RAB11FIP4: variants seen among roughly 807,000 people sequenced by gnomAD.
RAB11FIP4 encodes RAB11 family interacting protein 4.
A neutral mutation model predicts 74.3 loss-of-function variants in RAB11FIP4; 23 were observed. The ratio of observed to expected loss-of-function variants is 0.31; its 90% CI spans 0.22 to 0.44. The LOEUF is 0.44. RAB11FIP4 is among the 20% of genes least tolerant of loss of function. The pLI, the probability that RAB11FIP4 is intolerant of heterozygous loss-of-function variation, is 1.00. For missense variants in RAB11FIP4, 630 were observed against 863.9 expected, an observed-to-expected ratio of 0.73 and a Z score of 3.39; for synonymous variants, 360 against 359.9, an observed-to-expected ratio of 1.00 and a Z score of 0.00.
intron 1 of RAB11FIP4, among the ~76,000 whole-genome samples, chr17:31,396,203 G>T (rs373509137): frequency 9.5e-6 from 1 of 105,818 alleles, no homozygotes; most frequent in South Asian, 3.4e-4. Flanking sequence ...AAAAAGAAAA[G>T]AAAAGAAAAG....
intron 3 of RAB11FIP4, among the ~76,000 whole-genome samples, chr17:31,493,345 G>A (rs2072048677): frequency 6.6e-6 from 1 of 152,154 alleles, no homozygotes; most frequent in African/African-American, 2.4e-5. Flanking sequence ...AAACAGAACT[G>A]GAGTGTGGGA....
chr17:31,413,649 C>T (rs1244541742), intron 1 of RAB11FIP4, among the ~76,000 whole-genome samples: 1 of 152,102 alleles, frequency 6.6e-6, no homozygotes. Context: ...GTTCTTCCAC[C>T]TGCAGTCCAG....
intron 1 of RAB11FIP4, among the ~76,000 whole-genome samples, chr17:31,404,292 C>A (rs528131258): frequency 6.6e-6 from 1 of 152,230 alleles, no homozygotes; most frequent in African/African-American, 2.4e-5. Flanking sequence ...CCGGCCTTGG[C>A]CCCATCCTGC....
chr17:31,519,120 T>C (rs1351542188), intron 4 of RAB11FIP4, among the ~76,000 whole-genome samples: 2 of 147,554 alleles, frequency 1.4e-5, no homozygotes, highest in Admixed American at 7.0e-5. Context: ...GTTCATGCCA[T>C]TCTCCTGCCT....
chr17:31,528,338 GAC>G (rs1176179978), intron 11 of RAB11FIP4, 66 bp from the exon 12 acceptor site: 3 of 1,539,694 alleles, frequency 1.9e-6, no homozygotes, highest in Non-Finnish European at 2.6e-6. Context: ...AGACCCCAGG[GAC>G]ACCCCTGGAC....
intron 9 of RAB11FIP4, 76 bp downstream of exon 9, chr17:31,524,072 CAGG>C: frequency 9.8e-7 from 1 of 1,019,102 alleles, no homozygotes; most frequent in Non-Finnish European, 1.5e-6. Flanking sequence ...CTAAGACCTC[CAGG>C]AGGAGGCAGC....
intron 1 of RAB11FIP4, among the ~76,000 whole-genome samples, chr17:31,411,922 G>C (rs917139656): frequency 6.6e-6 from 1 of 152,258 alleles, no homozygotes; most frequent in Admixed American, 6.5e-5. Context: ...CAGCCCCTCT[G>C]GCCATCGTCC....
chr17:31,499,477 T>C (rs991411978), intron 3 of RAB11FIP4, among the ~76,000 whole-genome samples: 2 of 152,136 alleles, frequency 1.3e-5, no homozygotes, highest in Non-Finnish European at 2.9e-5. Flanking sequence ...TGCCTCCGCC[T>C]CCCGAGTAGC....
At chr17:31,397,015 G>A (rs554096978) in intron 1 of RAB11FIP4, among the ~76,000 whole-genome samples, 1 of 152,282 alleles carries the variant, frequency 6.6e-6, no homozygotes, top group African/African-American at 2.4e-5. Flanking sequence ...TGGCAAAGGG[G>A]TTGGGGTGCT....
intron 3 of RAB11FIP4, among the ~76,000 whole-genome samples, chr17:31,480,582 G>A (rs758386148): frequency 2.0e-5 from 3 of 152,020 alleles, no homozygotes; most frequent in Non-Finnish European, 4.4e-5. Context: ...TAGGTCAGGA[G>A]ATCGAGACCA....
intron 1 of RAB11FIP4, among the ~76,000 whole-genome samples, chr17:31,394,722 C>T (rs548301654): frequency 2.0e-5 from 3 of 152,260 alleles, no homozygotes; most frequent in Non-Finnish European, 1.5e-5. Context: ...GCTGGAGAAG[C>T]AGTGCTTGGT....
chr17:31,433,324 G>A (rs576041208), intron 2 of RAB11FIP4, among the ~76,000 whole-genome samples: 35 of 152,296 alleles, frequency 2.3e-4, no homozygotes, highest in Middle Eastern at 6.8e-3. Context: ...CCTTTTCTGT[G>A]GGGTGCCTAT....
At chr17:31,455,663 T>C (rs1315385519) in intron 3 of RAB11FIP4, among the ~76,000 whole-genome samples, 3 of 118,614 alleles carry the variant, frequency 2.5e-5, no homozygotes, top group African/African-American at 3.5e-5. Flanking sequence ...AATGTGTTGA[T>C]AATTGGTTGA....
chr17:31,455,374 C>T (rs994245697), intron 3 of RAB11FIP4, among the ~76,000 whole-genome samples: 1 of 151,992 alleles, frequency 6.6e-6, no homozygotes, highest in Non-Finnish European at 1.5e-5. Flanking sequence ...TTTCATGGGA[C>T]GGGAGAGGGG....
At position 31,535,298 on chromosome 17, in the gene RAB11FIP4, G is replaced by A. The variant is rs1597993701; in HGVS notation, c.*3566G>A. 1.3e-5 allele frequency: 2 copies of A among 151,326 alleles called. No individual in the cohort carries two copies. The highest frequency in any genetic ancestry group is 4.2e-4 in the South Asian group (2 of 4,802). The allele number at this position is 151,326 out of a possible 1,614,324, so 9.4% of individuals were successfully genotyped here. A position where few individuals can be genotyped will look rare whatever the true frequency, so the allele number is the denominator to read the frequency against. On this transcript the variant is annotated 3_prime_UTR_variant, in exon 15 of 15. Coordinates refer to ENST00000621161, the MANE Select transcript of RAB11FIP4 (RefSeq NM_032932.6). ...AAAAAAAAAGCTCAAGAACCTGCAC[G>A]AGGGCCTAAAACAGTGGGCTCAGCT...
chr17:31,492,348 C>T (rs1261197252), intron 3 of RAB11FIP4, among the ~76,000 whole-genome samples: 5 of 152,146 alleles, frequency 3.3e-5, no homozygotes, highest in East Asian at 3.9e-4. Flanking sequence ...TGTACACACA[C>T]GTGTGTTTGC....
chr17:31,394,919 G>C, intron 1 of RAB11FIP4, among the ~76,000 whole-genome samples: 1 of 148,020 alleles, frequency 6.8e-6, no homozygotes, highest in Non-Finnish European at 1.5e-5. Context: ...TTGTTTTCCA[G>C]CGGTGGGGTG....
At chr17:31,494,632 T>A (rs1215481889) in intron 3 of RAB11FIP4, among the ~76,000 whole-genome samples, 1 of 148,104 alleles carries the variant, frequency 6.8e-6, no homozygotes, top group Non-Finnish European at 1.5e-5. Flanking sequence ...TTTTTCAATT[T>A]TAATTTTAAT....
intron 3 of RAB11FIP4, among the ~76,000 whole-genome samples, chr17:31,445,752 ATTTT>A (rs554002148): frequency 1.4e-5 from 2 of 145,478 alleles, no homozygotes; most frequent in South Asian, 4.4e-4. Flanking sequence ...CTCCCGGCTA[ATTTT>A]TTTTTTGTAT....
Sources: gnomAD v4.1 joint callset for allele counts (sites outside exome capture counted in the v4.1 genomes callset) on GRCh38, gnomAD v4.1.1 for gene constraint, MANE v1.5 for transcripts, NCBI Gene and HGNC (gene_info 2026-07-23, HGNC 2026-07-21) for gene names.